The following UFL1 variants were observed in gnomAD, a reference collection of about 807,000 sequenced individuals.
UFL1 encodes E3 UFM1-protein ligase 1.
UFL1 carries 78 observed loss-of-function variants against 99.3 expected under a neutral mutation model. The observed-to-expected ratio is 0.79, with a 90% CI of 0.65 to 0.95. The LOEUF (loss-of-function observed/expected upper bound fraction) is 0.95. Among genes scored for constraint, UFL1 ranks in the 40% least tolerant of loss-of-function variants. The pLI is 0.00. For synonymous variants in UFL1, 335 were observed against 322.2 expected, an observed-to-expected ratio of 1.04 and a Z score of -0.42; for missense variants, 936 against 937.0, an observed-to-expected ratio of 1.00 and a Z score of 0.01.
At chr6:96,524,518 T>A (rs1367480527) in intron 3 of UFL1, 108 bp downstream of exon 3, 2 of 818,120 alleles carry the variant, frequency 2.4e-6, no homozygotes, top group East Asian at 3.1e-5. Context: ...GTAGTGTTTA[T>A]AAAGAAATAG....
intron 2 of UFL1, among the ~76,000 whole-genome samples, chr6:96,523,530 C>T (rs1467351015): frequency 6.6e-6 from 1 of 152,090 alleles, no homozygotes; most frequent in Non-Finnish European, 1.5e-5. Context: ...GTTATGTGTA[C>T]TATACATGAA....
In UFL1 at chr6:96,554,014, CTAAAA is replaced by C. The variant is rs1335328302; in HGVS notation, c.*514_*518del. Reference sequence around the variant, plus strand: ...TTTTTAAATAGAAAGCACTTCAAAACTAAAATACAGAAATTTACAAAAAAGAAAAA... The same window carrying C: ...TTTTTAAATAGAAAGCACTTCAAAACTACAGAAATTTACAAAAAAGAAAAA... On this transcript the variant is annotated 3_prime_UTR_variant, in exon 19 of 19. Transcript: ENST00000369278. 7 of 151,926 alleles carry C rather than the reference CTAAAA, an allele frequency of 4.6e-5. No individual in the cohort carries two copies. The highest frequency in any genetic ancestry group is 1.7e-4 in the African/African-American group (7 of 41,412). 9.4% of individuals were successfully genotyped at this position (151,926 alleles called of 1,614,324 possible). A position where few individuals can be genotyped will look rare whatever the true frequency, so the allele number is the denominator to read the frequency against.
intron 15 of UFL1, among the ~76,000 whole-genome samples, chr6:96,550,860 A>C (rs1770068736): frequency 6.6e-6 from 1 of 152,024 alleles, no homozygotes; most frequent in South Asian, 2.1e-4. Flanking sequence ...CTTCCCAGAC[A>C]TTATACACTT....
chr6:96,526,414 T>A lies in UFL1; in HGVS notation c.444T>A (p.Leu148=), dbSNP rs963591477. ...TISELCKTYD[L]PGNFLTQALT... is the part of the protein sequence containing the mutation. Reference sequence around the variant, plus strand: ...CAGAACTGTGTAAAACTTATGATCTTCCTGGGAACTTTCTGACACAGGTAT... The same window carrying A: ...CAGAACTGTGTAAAACTTATGATCTACCTGGGAACTTTCTGACACAGGTAT... The change falls in exon 5 of 19, where the codon CTT becomes CTA. Residue 148 remains leucine (L), a synonymous_variant. Coordinates refer to ENST00000369278, the MANE Select transcript of UFL1 (RefSeq NM_015323.5). 9 of 1,611,174 alleles carry A rather than the reference T, an allele frequency of 5.6e-6. No individual in the cohort carries two copies. The highest frequency in any genetic ancestry group is 7.6e-6 in the Non-Finnish European group (9 of 1,179,304).
rs138867475 is a variant in UFL1, at chr6:96,524,384, C to T, written c.226C>T (p.Arg76Ter). ...AAATGAATGTCTTTTCTTCAAAGGT[C>T]GAGTAAACATTGTTGATCTACAACA... The part of the protein sequence containing the change: ...MRDELHVRGG[R>*]VNIVDLQQVI... The change falls in exon 3 of 19, where the codon CGA becomes TGA. Residue 76 changes from arginine to a stop codon, truncating the protein, a stop_gained and splice_region_variant. Transcript: ENST00000369278. LOFTEE classifies it high-confidence loss of function. 1.3e-5 allele frequency: 20 copies of T among 1,587,434 alleles called. No individual in the cohort carries two copies. The highest frequency in any genetic ancestry group is 1.7e-5 in the Non-Finnish European group (20 of 1,169,990).
Position 96,521,857 on chromosome 6 carries a change from C to G in UFL1, c.-17C>G. The stretch of plus-strand genomic sequence containing the variant: ...CGTGTCTGCAGTTCCTCCGCGTCTA[C>G]TGCGAGTCAGGCCGTGATGGCGGAC... On this transcript the variant is annotated 5_prime_UTR_variant, in exon 1 of 19. Transcript: ENST00000369278. The G allele has an allele frequency of 1.2e-6, 2 of 1,609,458 alleles. No individual in the cohort carries two copies. The highest frequency in any genetic ancestry group is 1.7e-6 in the Non-Finnish European group (2 of 1,178,524).
intron 18 of UFL1, 118 bp from the exon 19 acceptor site, chr6:96,553,167 A>C: frequency 2.8e-5 from 23 of 834,692 alleles, no homozygotes; most frequent in Non-Finnish European, 3.7e-5. Flanking sequence ...TGCTACTTAC[A>C]TGGCCAGTTT....
At chr6:96,553,213 G>A in intron 18 of UFL1, 72 bp from the exon 19 acceptor site, 1 of 1,440,284 alleles carries the variant, frequency 6.9e-7, no homozygotes, top group Non-Finnish European at 9.5e-7. Context: ...TGTATTAGTT[G>A]AAGAAATTCT....
At chr6:96,540,705 G>GTTTTT (rs749634370) in intron 11 of UFL1, 50 bp downstream of exon 11, 1 of 1,565,248 alleles carries the variant, frequency 6.4e-7, no homozygotes, top group East Asian at 2.3e-5. Context: ...TTGTTGCAGT[G>GTTTTT]AACTTTGCAT....
intron 6 of UFL1, among the ~76,000 whole-genome samples, chr6:96,533,472 A>G (rs1769810960): frequency 1.3e-5 from 2 of 152,124 alleles, no homozygotes; most frequent in Admixed American, 1.3e-4. Context: ...TCTCAAAAAC[A>G]CAGAAAGGAG....
rs139486257 is a variant in UFL1 at position 96,523,628 on chromosome 6, G to T, written c.223+337G>T. On this transcript the variant is annotated intron_variant, in intron 2 of 18. Transcript: ENST00000369278. ...CCTTTTATTAGGTGGTAATTGTGAA[G>T]GGGGACAGTATCTTACAGGATTATA... Among the ~76,000 whole-genome samples, 569 of 152,262 alleles carry T rather than the reference G, an allele frequency of 3.7e-3. 3 individuals are homozygous for T. Among genetic ancestry groups the T allele is most frequent in the African/African-American group, 0.013 (536 of 41,556 alleles).
At chr6:96,538,443 A>G (rs557743812) in intron 9 of UFL1, among the ~76,000 whole-genome samples, 188 bp from the exon 10 acceptor site, 1 of 151,748 alleles carries the variant, frequency 6.6e-6, no homozygotes, top group Non-Finnish European at 1.5e-5. Context: ...GCAATAGAAT[A>G]TATGATTTCA....
chr6:96,528,724 A>T, intron 6 of UFL1, 92 bp downstream of exon 6: 10 of 1,418,450 alleles, frequency 7.0e-6, no homozygotes, highest in Non-Finnish European at 9.3e-6. Flanking sequence ...CTTTGTTTTA[A>T]TAAAGTCTCA....
At chr6:96,532,021 T>G (rs9486491) in intron 6 of UFL1, among the ~76,000 whole-genome samples, 1 of 152,218 alleles carries the variant, frequency 6.6e-6, no homozygotes, top group Non-Finnish European at 1.5e-5. Flanking sequence ...TTATATTTTT[T>G]GTTTTTATGG....
intron 5 of UFL1, 141 bp from the exon 6 acceptor site, chr6:96,528,361 T>A: frequency 1.0e-6 from 1 of 982,800 alleles, no homozygotes; most frequent in Admixed American, 2.9e-5. Flanking sequence ...AGTTGATATA[T>A]CTTGTAATCT....
chr6:96,524,735 T>C (rs1769674927), intron 3 of UFL1, among the ~76,000 whole-genome samples: 1 of 152,186 alleles, frequency 6.6e-6, no homozygotes, highest in Non-Finnish European at 1.5e-5. Context: ...TTATGTCATT[T>C]TGGGAGAAAA....
At chr6:96,543,777 G>T (rs1008130442) in intron 12 of UFL1, among the ~76,000 whole-genome samples, 1 of 151,034 alleles carries the variant, frequency 6.6e-6, no homozygotes, top group Non-Finnish European at 1.5e-5. Context: ...CATAGGAAAG[G>T]TACTTGGTCC....
At position 96,548,293 on chromosome 6, in the gene UFL1, A is replaced by C. The variant is rs1770029562; in HGVS notation, c.1520+12A>C. Reference sequence around the variant, plus strand: ...GAGTACTTAATAAAGCAAGTATAAAATGTATTTTTTCTGTTTTATGGTAGA... The same window carrying C: ...GAGTACTTAATAAAGCAAGTATAAACTGTATTTTTTCTGTTTTATGGTAGA... On this transcript the variant is annotated intron_variant, in intron 13 of 18. Transcript: ENST00000369278. The C allele has an allele frequency of 6.7e-7, 1 of 1,491,540 alleles. No homozygotes were observed. The allele number at this position is 1,491,540 out of a possible 1,614,324, so 92.4% of individuals were successfully genotyped here.
At chr6:96,543,991 A>C (rs770323861) in intron 12 of UFL1, among the ~76,000 whole-genome samples, 16 of 151,130 alleles carry the variant, frequency 1.1e-4, no homozygotes, top group Non-Finnish European at 1.9e-4. Context: ...TGTTTACCAA[A>C]AATTTTTAAA....
Sources: gnomAD v4.1 joint callset for allele counts (sites outside exome capture counted in the v4.1 genomes callset) on GRCh38, gnomAD v4.1.1 for gene constraint, MANE v1.5 for transcripts, NCBI Gene and HGNC (gene_info 2026-07-23, HGNC 2026-07-21) for gene names.